OLFM3: variants seen among roughly 807,000 people sequenced by gnomAD.
OLFM3 encodes the protein olfactomedin 3.
Under a neutral mutation model 48.6 loss-of-function variants are expected in OLFM3, and 20 were observed. The ratio of observed to expected loss-of-function variants is 0.41; its 90% confidence interval spans 0.29 to 0.60. The LOEUF (loss-of-function observed/expected upper bound fraction) is 0.60, where lower values mean the gene tolerates loss of function less well. Ranked by LOEUF, OLFM3 falls within the 20% of genes least tolerant of loss-of-function variation. The probability of loss-of-function intolerance (pLI) is 0.28; values close to 1 mark genes in which losing one functional copy is unlikely to be tolerated. For missense variants in OLFM3, 437 were observed against 544.3 expected, an observed-to-expected ratio of 0.80 and a Z score of 1.96; for synonymous variants, 222 against 198.1, an observed-to-expected ratio of 1.12 and a Z score of -1.01.
chr1:101,941,591 A>G (rs1008819280), intron 1 of OLFM3, among the ~76,000 whole-genome samples: 11 of 152,232 alleles, frequency 7.2e-5, no homozygotes, highest in Admixed American at 3.3e-4. Context: ...AAGATGAGGT[A>G]ATAAAAGGAA....
intron 1 of OLFM3, among the ~76,000 whole-genome samples, chr1:101,840,258 C>A (rs1482152069): frequency 2.0e-5 from 3 of 152,124 alleles, no homozygotes; most frequent in African/African-American, 7.2e-5. Flanking sequence ...CATTACCTGG[C>A]AGTTCATATG....
At chr1:101,938,924 C>T (rs1659705368) in intron 1 of OLFM3, among the ~76,000 whole-genome samples, 1 of 152,160 alleles carries the variant, frequency 6.6e-6, no homozygotes, top group African/African-American at 2.4e-5. Flanking sequence ...TTCCCACCCA[C>T]CTGGAGTCCT....
rs375734200 is a variant in OLFM3, at chr1:101,828,170, A to T, written c.372+2502T>A. ...CCCCAGCCATGCAGAACTGTAAGTC[A>T]ATTAAACCTCTTTCTTTCACACATT... On this transcript the variant is annotated intron_variant, in intron 3 of 5. Coordinates refer to ENST00000370103, the MANE Select transcript of OLFM3 (RefSeq NM_058170.4). 7.9e-5 allele frequency among the ~76,000 whole-genome samples: 12 copies of T among 152,162 alleles called. 2 individuals are homozygous for T. Among genetic ancestry groups the T allele is most frequent in the Admixed American group, 7.9e-4 (12 of 15,270 alleles).
At chr1:101,894,685 T>C (rs893324182) in intron 1 of OLFM3, among the ~76,000 whole-genome samples, 1 of 152,130 alleles carries the variant, frequency 6.6e-6, no homozygotes, top group Admixed American at 6.6e-5. Flanking sequence ...TCATATGTAA[T>C]TTTTCCTCTT....
intron 1 of OLFM3, among the ~76,000 whole-genome samples, chr1:101,938,131 A>C (rs1358392734): frequency 6.6e-6 from 1 of 152,224 alleles, no homozygotes. Flanking sequence ...AATTACTTCA[A>C]TACTCTTCAG....
At chr1:101,994,024 G>A (rs1414997214) in intron 1 of OLFM3, among the ~76,000 whole-genome samples, 2 of 150,850 alleles carry the variant, frequency 1.3e-5, no homozygotes, top group Admixed American at 6.6e-5. Flanking sequence ...AATAGAATTG[G>A]CACTGTTGTT....
intron 1 of OLFM3, among the ~76,000 whole-genome samples, chr1:101,989,990 T>C (rs1466054740): frequency 1.3e-5 from 2 of 152,222 alleles, no homozygotes; most frequent in Non-Finnish European, 2.9e-5. Context: ...GTCCATACTT[T>C]GCACACTGGC....
At chr1:101,913,113 T>A (rs1222548456) in intron 1 of OLFM3, among the ~76,000 whole-genome samples, 2 of 152,188 alleles carry the variant, frequency 1.3e-5, no homozygotes, top group African/African-American at 4.8e-5. Flanking sequence ...AAAGCAGTGC[T>A]CCATGTTTAG....
chr1:101,818,335 T>C (rs1466428026), intron 4 of OLFM3, among the ~76,000 whole-genome samples: 1 of 152,038 alleles, frequency 6.6e-6, no homozygotes, highest in Non-Finnish European at 1.5e-5. Flanking sequence ...TAAATAAATA[T>C]ATGATAAAAT....
intron 1 of OLFM3, among the ~76,000 whole-genome samples, chr1:101,847,517 G>C (rs559019842): frequency 7.3e-6 from 1 of 137,872 alleles, no homozygotes; most frequent in East Asian, 1.9e-4. Context: ...ATCATATTGA[G>C]AGTAGGAGAT....
intron 1 of OLFM3, among the ~76,000 whole-genome samples, chr1:101,935,073 A>G (rs1659567599): frequency 6.6e-6 from 1 of 152,038 alleles, no homozygotes; most frequent in Non-Finnish European, 1.5e-5. Context: ...GAGAAACAAG[A>G]GCAAACCCAC....
At chr1:101,806,885 A>G (rs879816433) in intron 4 of OLFM3, among the ~76,000 whole-genome samples, 9 of 151,788 alleles carry the variant, frequency 5.9e-5, no homozygotes, top group Non-Finnish European at 1.0e-4. Context: ...GACTTTAATG[A>G]AAAAAGTTGT....
In OLFM3 at chr1:101,804,498, T is replaced by C; in HGVS notation, c.1117A>G (p.Ser373Gly). ...CAGATCATGAAAGATTCCCCTGCAC[T>C]TCTCTTGGGGTAGCCAGTGCTCCAG... Reference protein sequence around the residue: ...KSWSTGYPKRSAGESFMICGT... With the variant: ...KSWSTGYPKRGAGESFMICGT... The change falls in exon 6 of 6, where the codon AGT (serine) becomes GGT (glycine). Residue 373 changes from serine to glycine, a missense_variant. Physicochemically the swap from Ser to Gly is moderately conservative, Grantham distance 56. This residue lies in a region of OLFM3 where 108 missense variants were observed against 135.8 expected (regional missense o/e 0.80). Coordinates refer to ENST00000370103, the MANE Select transcript of OLFM3 (RefSeq NM_058170.4). This position sits in a 1 kb window ranked among gnomAD's most constrained non-coding sequence, Gnocchi z 4.5. 6.2e-7 allele frequency: 1 copy of C among 1,612,708 alleles called. No individual in the cohort carries two copies. The highest frequency in any genetic ancestry group is 8.5e-7 in the Non-Finnish European group (1 of 1,179,130).
chr1:101,884,165 C>T (rs1413044143), intron 1 of OLFM3, among the ~76,000 whole-genome samples: 1 of 151,882 alleles, frequency 6.6e-6, no homozygotes, highest in African/African-American at 2.4e-5. Flanking sequence ...TCTCTATTTT[C>T]CTGCTCCCCT....
At chr1:101,924,563 G>A (rs1659203294) in intron 1 of OLFM3, among the ~76,000 whole-genome samples, 1 of 152,102 alleles carries the variant, frequency 6.6e-6, no homozygotes, top group African/African-American at 2.4e-5. Flanking sequence ...TACAAAGGAT[G>A]TTTGCTTTCT....
chr1:101,954,610 T>A (rs1280329700), intron 1 of OLFM3, among the ~76,000 whole-genome samples: 6 of 152,054 alleles, frequency 3.9e-5, no homozygotes, highest in Non-Finnish European at 5.9e-5. Context: ...TAACTCTACT[T>A]TCAACATTTC....
chr1:101,991,241 G>A (rs1661402353), intron 1 of OLFM3, among the ~76,000 whole-genome samples: 1 of 151,708 alleles, frequency 6.6e-6, no homozygotes, highest in African/African-American at 2.4e-5. Flanking sequence ...ATATGGAAAT[G>A]TACAGATAAT....
intron 1 of OLFM3, among the ~76,000 whole-genome samples, chr1:101,917,746 CATT>C (rs1658972628): frequency 1.3e-5 from 2 of 152,134 alleles, no homozygotes; most frequent in Admixed American, 1.3e-4. Flanking sequence ...AAATCACAAT[CATT>C]ATTGTTGAAG....
At chr1:101,831,979 C>T (rs925922595) in intron 2 of OLFM3, among the ~76,000 whole-genome samples, 4 of 151,936 alleles carry the variant, frequency 2.6e-5, no homozygotes, top group African/African-American at 4.8e-5. Context: ...CTCAGCTCAC[C>T]ACAACCTCCG....
Sources: gnomAD v4.1 joint callset for allele counts (sites outside exome capture counted in the v4.1 genomes callset) on GRCh38, gnomAD v4.1.1 for gene constraint, gnomAD v4.1.1 regional missense constraint, Gnocchi (gnomAD v3.1) non-coding constraint, MANE v1.5 for transcripts, NCBI Gene and HGNC (gene_info 2026-07-23, HGNC 2026-07-21) for gene names.